Variants in NALF1 observed in about 807,000 individuals in gnomAD.
NALF1 encodes the protein family with sequence similarity 155 member A.
In NALF1, 3 loss-of-function variants were observed where a neutral mutation model predicts 48.4. The observed-to-expected ratio is 0.06, with a 90% confidence interval of 0.03 to 0.16. The LOEUF (loss-of-function observed/expected upper bound fraction) is 0.16, where lower values mean the gene tolerates loss of function less well. Among genes scored for constraint, NALF1 ranks in the 10% least tolerant of loss-of-function variants. The probability of loss-of-function intolerance (pLI) is 1.00; values close to 1 mark genes in which losing one functional copy is unlikely to be tolerated. For missense variants in NALF1, 526 were observed against 571.5 expected, an observed-to-expected ratio of 0.92 and a Z score of 0.81; for synonymous variants, 262 against 245.7, an observed-to-expected ratio of 1.07 and a Z score of -0.62.
chr13:107,658,683 A>G (rs1880649205), intron 1 of NALF1, among the ~76,000 whole-genome samples: 1 of 152,054 alleles, frequency 6.6e-6, no homozygotes, highest in Non-Finnish European at 1.5e-5. Context: ...GTATTGCTCT[A>G]AACTCAGATT....
At chr13:107,811,549 T>C (rs1594284507) in intron 1 of NALF1, among the ~76,000 whole-genome samples, 2 of 152,202 alleles carry the variant, frequency 1.3e-5, no homozygotes, top group African/African-American at 4.8e-5. Context: ...TTATTAATCT[T>C]TATGGCCCCC....
chr13:107,519,053 G>A (rs559216406), intron 1 of NALF1, among the ~76,000 whole-genome samples: 39 of 152,230 alleles, frequency 2.6e-4, no homozygotes, highest in African/African-American at 7.9e-4. Context: ...GGGAACTTGC[G>A]CAAGGGCATA....
chr13:107,387,937 A>T (rs1883557913), intron 1 of NALF1, among the ~76,000 whole-genome samples: 2 of 152,078 alleles, frequency 1.3e-5, no homozygotes, highest in African/African-American at 4.8e-5. Flanking sequence ...TTGTCTCTTC[A>T]TTCTCACTCA....
intron 1 of NALF1, among the ~76,000 whole-genome samples, chr13:107,332,892 C>A (rs1436382937): frequency 6.6e-6 from 1 of 152,130 alleles, no homozygotes; most frequent in African/African-American, 2.4e-5. Context: ...ATGGCCCAGG[C>A]TGGAGTGTAA....
chr13:107,200,787 C>A (rs1879496427), intron 2 of NALF1, among the ~76,000 whole-genome samples: 1 of 152,080 alleles, frequency 6.6e-6, no homozygotes, highest in African/African-American at 2.4e-5. Flanking sequence ...GTCATGAGCA[C>A]CACTTATCAA....
intron 1 of NALF1, among the ~76,000 whole-genome samples, chr13:107,427,961 A>G (rs1010026557): frequency 6.6e-6 from 1 of 152,244 alleles, no homozygotes; most frequent in Non-Finnish European, 1.5e-5. Context: ...CTATTGCACA[A>G]AGAACCTTAC....
chr13:107,286,653 G>T (rs1881500239), intron 1 of NALF1, among the ~76,000 whole-genome samples: 2 of 150,794 alleles, frequency 1.3e-5, no homozygotes, highest in South Asian at 4.2e-4. Context: ...AAGTGCCCAT[G>T]AATGGATATA....
chr13:107,251,136 G>A (rs931859153), intron 1 of NALF1, among the ~76,000 whole-genome samples: 13 of 152,150 alleles, frequency 8.5e-5, no homozygotes, highest in African/African-American at 2.9e-4. Flanking sequence ...TGTAGACTGT[G>A]TAGAGTGACC....
At chr13:107,379,429 A>AT (rs1170219357) in intron 1 of NALF1, among the ~76,000 whole-genome samples, 3 of 152,180 alleles carry the variant, frequency 2.0e-5, no homozygotes, top group African/African-American at 7.2e-5. Context: ...CAAAATGCTA[A>AT]TTTACTAATA....
intron 1 of NALF1, among the ~76,000 whole-genome samples, chr13:107,729,356 C>T (rs1260165482): frequency 6.6e-6 from 1 of 152,026 alleles, no homozygotes; most frequent in African/African-American, 2.4e-5. Flanking sequence ...CTGCTTCCTC[C>T]TTTAGCTCTA....
chr13:107,439,048 A>G (rs1884513242), intron 1 of NALF1, among the ~76,000 whole-genome samples: 1 of 151,994 alleles, frequency 6.6e-6, no homozygotes, highest in Non-Finnish European at 1.5e-5. Flanking sequence ...ACAACGCATT[A>G]GCTAAAACAC....
chr13:107,754,479 C>A (rs1304991828), intron 1 of NALF1, among the ~76,000 whole-genome samples: 1 of 151,514 alleles, frequency 6.6e-6, no homozygotes, highest in Non-Finnish European at 1.5e-5. Context: ...ATCTGCGAAT[C>A]GATCTCAATG....
chr13:107,546,854 T>C (rs1877149325), intron 1 of NALF1, among the ~76,000 whole-genome samples: 1 of 152,126 alleles, frequency 6.6e-6, no homozygotes, highest in Non-Finnish European at 1.5e-5. Context: ...GTGCCTAATA[T>C]AATAAATGCC....
At chr13:107,311,758 G>A (rs184508682) in intron 1 of NALF1, among the ~76,000 whole-genome samples, 26 of 152,096 alleles carry the variant, frequency 1.7e-4, no homozygotes, top group South Asian at 1.7e-3. Flanking sequence ...ACAAGTTGGC[G>A]AAGGATATGA....
intron 1 of NALF1, among the ~76,000 whole-genome samples, chr13:107,660,499 AAAAC>A (rs1291146323): frequency 9.1e-5 from 9 of 99,040 alleles, no homozygotes; most frequent in African/African-American, 2.0e-4. Flanking sequence ...AAGAAACAAA[AAAAC>A]AAACAAAACA....
At chr13:107,722,835 A>G (rs1404897510) in intron 1 of NALF1, among the ~76,000 whole-genome samples, 2 of 152,186 alleles carry the variant, frequency 1.3e-5, no homozygotes, top group African/African-American at 4.8e-5. Context: ...TTGTCACCAC[A>G]TGGATGGGTT....
intron 1 of NALF1, among the ~76,000 whole-genome samples, chr13:107,439,930 A>T (rs1004829558): frequency 6.6e-6 from 1 of 152,208 alleles, no homozygotes; most frequent in African/African-American, 2.4e-5. Flanking sequence ...AACTGTTGGA[A>T]AAAGGTCATT....
At chr13:107,683,856 T>A (rs558258040) in intron 1 of NALF1, among the ~76,000 whole-genome samples, 2 of 145,456 alleles carry the variant, frequency 1.4e-5, no homozygotes, top group Admixed American at 6.9e-5. Context: ...TCCTGTGGGG[T>A]CTCCTGGACA....
intron 1 of NALF1, among the ~76,000 whole-genome samples, chr13:107,220,292 T>A (rs1361896384): frequency 6.6e-6 from 1 of 152,216 alleles, no homozygotes; most frequent in African/African-American, 2.4e-5. Context: ...AAGGTATGAA[T>A]GCAAACCCCT....
Sources: allele counts gnomAD v4.1 joint callset (sites outside exome capture counted in the v4.1 genomes callset), GRCh38; gene constraint gnomAD v4.1.1; transcripts MANE v1.5; gene names NCBI Gene and HGNC (gene_info 2026-07-23, HGNC 2026-07-21).